Variants in ZNF410 observed in about 807,000 individuals in gnomAD.
ZNF410 encodes another partner for ARF 1.
A neutral mutation model predicts 54.8 loss-of-function variants in ZNF410; 18 were observed. The observed-to-expected ratio is 0.33, with a 90% CI of 0.23 to 0.49. ZNF410 has a LOEUF of 0.49. Ranked by LOEUF, ZNF410 falls within the 20% of genes least tolerant of loss-of-function variation. ZNF410 has a pLI of 0.99. For synonymous variants in ZNF410, 191 were observed against 207.3 expected, an observed-to-expected ratio of 0.92 and a Z score of 0.68; for missense variants, 405 against 569.6, an observed-to-expected ratio of 0.71 and a Z score of 2.94.
At chr14:73,897,401 T>C (rs756545247) in intron 4 of ZNF410, among the ~76,000 whole-genome samples, 1 of 152,158 alleles carries the variant, frequency 6.6e-6, no homozygotes, top group Non-Finnish European at 1.5e-5. Context: ...TTAGGACATA[T>C]TTAAAGACAT....
chr14:73,897,566 G>C (rs2055337927), intron 4 of ZNF410, among the ~76,000 whole-genome samples: 1 of 152,170 alleles, frequency 6.6e-6, no homozygotes, highest in African/African-American at 2.4e-5. Context: ...CTTGAAACCA[G>C]AGGAGGCAAG....
intron 7 of ZNF410, among the ~76,000 whole-genome samples, chr14:73,908,740 T>C (rs1439083133): frequency 6.6e-6 from 1 of 152,202 alleles, no homozygotes; most frequent in African/African-American, 2.4e-5. Flanking sequence ...CTTACAAAAA[T>C]TACTGCAACG....
chr14:73,931,027 ATTC>A (rs2055904373), intron 11 of ZNF410, among the ~76,000 whole-genome samples: 1 of 152,200 alleles, frequency 6.6e-6, no homozygotes, highest in African/African-American at 2.4e-5. Context: ...TAGGCTTATC[ATTC>A]TTTTAAGCCC....
At chr14:73,910,943 AAG>A (rs1461004223) in intron 8 of ZNF410, among the ~76,000 whole-genome samples, 5 of 151,692 alleles carry the variant, frequency 3.3e-5, no homozygotes, top group Non-Finnish European at 4.4e-5. Context: ...ACATATTTAT[AAG>A]AGGGGTTAGA....
chr14:73,889,000 A>G (rs1198445765), intron 1 of ZNF410, among the ~76,000 whole-genome samples: 1 of 152,224 alleles, frequency 6.6e-6, no homozygotes, highest in Non-Finnish European at 1.5e-5. Flanking sequence ...ATTGAAGTGA[A>G]AACACTGAAA....
At position 73,904,009 on chromosome 14, in the gene ZNF410, G is replaced by T. The variant is rs760608853; in HGVS notation, c.630G>T (p.Gly210=). Residue 210 remains glycine (G), a synonymous_variant, in exon 6 of 12, where the codon GGG becomes GGT. Transcript: ENST00000555044. ...GTGATGGGCAGTCAAAAGATTCTGG[G>T]CCCCTTCCTCAAGTGGAAAAGAAGC... ...GSGDGQSKDS[G]PLPQVEKKLK... The T allele has an allele frequency of 6.2e-7, 1 of 1,614,178 alleles. No individual in the cohort carries two copies. The highest frequency in any genetic ancestry group is 1.3e-5 in the African/African-American group (1 of 75,038).
intron 2 of ZNF410, among the ~76,000 whole-genome samples, chr14:73,892,734 T>C (rs2055251236): frequency 6.6e-6 from 1 of 152,216 alleles, no homozygotes; most frequent in African/African-American, 2.4e-5. Context: ...CTAACTAGTC[T>C]TGTGACCTTA....
At chr14:73,921,192 TTC>T in intron 9 of ZNF410, 87 bp downstream of exon 9, 1 of 1,559,098 alleles carries the variant, frequency 6.4e-7, no homozygotes. Flanking sequence ...TCTGGAAATT[TTC>T]TGATTCTGTT....
intron 7 of ZNF410, among the ~76,000 whole-genome samples, chr14:73,905,968 C>CACACACATATATATATAT (rs1461702433): frequency 3.8e-5 from 3 of 78,944 alleles, no homozygotes; most frequent in African/African-American, 1.3e-4. Context: ...CACACACACA[C>CACACACATATATATATAT]ATATATATAT....
At position 73,930,256 on chromosome 14, in the gene ZNF410, GTTTC is replaced by G. The variant is rs1411017693; in HGVS notation, c.1399-1243_1399-1240del. The stretch of plus-strand genomic sequence containing the variant: ...CACACAGCATCAAATGGAATATGTG[GTTTC>G]TTTAAGGTTTAATTTTTTCTTTAGA... On this transcript the variant is annotated intron_variant, in intron 11 of 11. Coordinates refer to ENST00000555044, the MANE Select transcript of ZNF410 (RefSeq NM_021188.3). 7.9e-5 allele frequency among the ~76,000 whole-genome samples: 12 copies of G among 152,244 alleles called. No homozygotes were observed. In the East Asian group the frequency reaches 1.2e-3, roughly 15 times the overall value.
chr14:73,911,169 T>C (rs1040474241), intron 8 of ZNF410, among the ~76,000 whole-genome samples: 10 of 152,180 alleles, frequency 6.6e-5, no homozygotes, highest in Non-Finnish European at 1.3e-4. Context: ...ATTTTATTAC[T>C]TTTCTCTGCT....
chr14:73,926,675 T>G (rs1198983427), intron 11 of ZNF410, among the ~76,000 whole-genome samples: 1 of 152,170 alleles, frequency 6.6e-6, no homozygotes, highest in Non-Finnish European at 1.5e-5. Flanking sequence ...CCTCAAGTGA[T>G]CCACCCACCT....
intron 7 of ZNF410, chr14:73,905,689 C>G (rs950727918): frequency 5.3e-5 from 8 of 152,040 alleles, no homozygotes; most frequent in African/African-American, 1.9e-4. Flanking sequence ...GTGAGCTAGT[C>G]TCTAGCCAAA....
chr14:73,905,130 T>C (rs1422245632), intron 7 of ZNF410, 47 bp downstream of exon 7: 5 of 1,571,928 alleles, frequency 3.2e-6, no homozygotes, highest in Non-Finnish European at 3.5e-6. Flanking sequence ...TCCTTGGCTC[T>C]GCATGTTTGC....
chr14:73,890,037 C>T (rs987598346), intron 1 of ZNF410, among the ~76,000 whole-genome samples: 4 of 152,066 alleles, frequency 2.6e-5, no homozygotes, highest in African/African-American at 9.7e-5. Context: ...CCTTGTGTTC[C>T]GCCTGCCTCG....
intron 11 of ZNF410, 44 bp from the exon 12 acceptor site, chr14:73,931,459 A>G (rs770853207): frequency 2.6e-6 from 4 of 1,554,136 alleles, no homozygotes; most frequent in African/African-American, 2.7e-5. Context: ...TTTTTCTATA[A>G]TTCAACTGTA....
At chr14:73,911,626 TAGAGA>T (rs944971310) in intron 8 of ZNF410, among the ~76,000 whole-genome samples, 22 of 152,204 alleles carry the variant, frequency 1.4e-4, no homozygotes, top group African/African-American at 5.1e-4. Flanking sequence ...TTCACCAAAG[TAGAGA>T]AATTTTTTTT....
intron 8 of ZNF410, chr14:73,916,414 C>A (rs1566662625): frequency 6.6e-6 from 1 of 152,108 alleles, no homozygotes; most frequent in Non-Finnish European, 1.5e-5. Context: ...CTCTTGGCCT[C>A]CAGTGATTCA....
intron 8 of ZNF410, chr14:73,916,813 A>C (rs1477486890): frequency 8.0e-5 from 3 of 37,372 alleles, no homozygotes; most frequent in Non-Finnish European, 1.9e-4. Context: ...GTTTCTACAA[A>C]AAAAAAAAAA....
Sources: allele counts gnomAD v4.1 joint callset (sites outside exome capture counted in the v4.1 genomes callset), GRCh38; gene constraint gnomAD v4.1.1; transcripts MANE v1.5; gene names NCBI Gene and HGNC (gene_info 2026-07-23, HGNC 2026-07-21).